Variants in IL10RB observed in about 807,000 individuals in gnomAD.
IL10RB encodes the protein interleukin 10 receptor subunit beta, also known as interleukin-10 receptor subunit beta.
Under a neutral mutation model 38.7 loss-of-function variants are expected in IL10RB, and 30 were observed. The ratio of observed to expected loss-of-function variants is 0.78; its 90% CI spans 0.58 to 1.05. The LOEUF (loss-of-function observed/expected upper bound fraction) is 1.05, where lower values mean the gene tolerates loss of function less well. Among genes scored for constraint, IL10RB ranks in the 50% least tolerant of loss-of-function variants. IL10RB has a pLI of 0.00. For synonymous variants in IL10RB, 142 were observed against 145.9 expected (o/e 0.97, Z 0.19); for missense variants, 328 against 397.1 (o/e 0.83, Z 1.48).
At position 33,268,396 on chromosome 21, in the gene IL10RB, T is replaced by A. The variant is rs1306808709; in HGVS notation, c.52T>A (p.Leu18Met). Residue 18 changes from leucine to methionine, a missense_variant and splice_region_variant, in exon 2 of 7, where the codon TTG (leucine) becomes ATG (methionine). By Grantham distance (15) the Leu-to-Met change is conservative. Transcript: ENST00000290200. ...ATGTTTTTGTCTTATTTTCATAGCATTGGGAATGGTACCACCTCCCGAAAA... is the reference window on the plus strand; with the variant it reads ...ATGTTTTTGTCTTATTTTCATAGCAATGGGAATGGTACCACCTCCCGAAAA... ...WLGGCLLVSA[L>M]GMVPPPENVR... 1 of 1,613,968 alleles carries A rather than the reference T, an allele frequency of 6.2e-7. No homozygotes were observed. The highest frequency in any genetic ancestry group is 1.7e-5 in the Admixed American group (1 of 60,018).
chr21:33,308,855 T>C (rs1001354007), intron 1 of IL10RB: 1 of 152,214 alleles, frequency 6.6e-6, no homozygotes, highest in Non-Finnish European at 1.5e-5. Context: ...TTATAACAGG[T>C]CCTTGGGTGA....
chr21:33,282,932 C>T (rs1262365415), intron 4 of IL10RB, among the ~76,000 whole-genome samples, 162 bp from the exon 5 acceptor site: 1 of 151,974 alleles, frequency 6.6e-6, no homozygotes, highest in Non-Finnish European at 1.5e-5. Flanking sequence ...CTTGATGCAC[C>T]CCCTGAGTGG....
chr21:33,305,194 A>G (rs778212417), intron 1 of IL10RB, among the ~76,000 whole-genome samples: 7 of 152,076 alleles, frequency 4.6e-5, no homozygotes, highest in Non-Finnish European at 1.0e-4. Context: ...TGCAGCTTCC[A>G]TCTCCCCAGG....
chr21:33,292,029 G>A (rs960467119), intron 6 of IL10RB, among the ~76,000 whole-genome samples: 1 of 152,186 alleles, frequency 6.6e-6, no homozygotes, highest in African/African-American at 2.4e-5. Flanking sequence ...CTCCCTGGCT[G>A]TCTGCTGTCT....
chr21:33,292,046 C>T (rs533517793), intron 6 of IL10RB, among the ~76,000 whole-genome samples: 2 of 152,302 alleles, frequency 1.3e-5, no homozygotes, highest in South Asian at 4.1e-4. Flanking sequence ...GTCTATGATA[C>T]ATGCTCTCAG....
chr21:33,308,581 A>T (rs2083004425), intron 1 of IL10RB: 1 of 152,254 alleles, frequency 6.6e-6, no homozygotes, highest in Non-Finnish European at 1.5e-5. Context: ...AGTCCCGTAG[A>T]TACAATATAA....
At chr21:33,291,460 T>G (rs1989485321) in intron 6 of IL10RB, among the ~76,000 whole-genome samples, 1 of 152,098 alleles carries the variant, frequency 6.6e-6, no homozygotes, top group African/African-American at 2.4e-5. Flanking sequence ...GAGACAGGGT[T>G]TCCCCATGTT....
In IL10RB at chr21:33,296,457, C is replaced by A. The variant is rs11701888; in HGVS notation, c.*100C>A. ...GGCAGCAAACAAGGGCCAAGACCAT[C>A]TGAGCCAGCCCCACATCTAGAACTC... On this transcript the variant is annotated 3_prime_UTR_variant, in exon 7 of 7. Transcript: ENST00000290200. The A allele has an allele frequency of 8.8e-7, 1 of 1,131,544 alleles. No homozygotes were observed. 70.1% of individuals were successfully genotyped at this position (1,131,544 alleles called of 1,614,324 possible).
chr21:33,283,926 AT>A (rs1178068614), intron 5 of IL10RB, among the ~76,000 whole-genome samples: 1 of 152,224 alleles, frequency 6.6e-6, no homozygotes, highest in African/African-American at 2.4e-5. Context: ...TAATTTAAAG[AT>A]GTTGGTGAAG....
At chr21:33,299,336 T>G (rs1279923309), downstream of IL10RB, among the ~76,000 whole-genome samples, 1 of 152,094 alleles carries the variant, frequency 6.6e-6, no homozygotes, top group East Asian at 1.9e-4. Context: ...TGTGGGAAAA[T>G]GTCCAAGAAT....
Position 33,279,767 on chromosome 21 carries a change from C to A in IL10RB, c.347C>A (p.Pro116His). 1.2e-6 allele frequency: 2 copies of A among 1,613,916 alleles called. No individual in the cohort carries two copies. The highest frequency in any genetic ancestry group is 1.7e-6 in the Non-Finnish European group (2 of 1,179,812). ...CPVDDTIIGP[P>H]GMQVEVLADS... Reference sequence around the variant, plus strand: ...TTCTGCTTAGCCATTATTGGACCCCCTGGAATGCAAGTAGAAGTACTTGCT... The same window carrying A: ...TTCTGCTTAGCCATTATTGGACCCCATGGAATGCAAGTAGAAGTACTTGCT... The change falls in exon 4 of 7, where the codon CCT becomes CAT. Residue 116 changes from proline to histidine, a missense_variant. Pro to His is a moderately conservative substitution (Grantham distance 77, BLOSUM62 -2). Transcript: ENST00000290200.
chr21:33,270,533 A>T (rs1248909875), intron 2 of IL10RB, among the ~76,000 whole-genome samples: 2 of 151,460 alleles, frequency 1.3e-5, no homozygotes, highest in Non-Finnish European at 1.5e-5. Flanking sequence ...GGCGCCCGCC[A>T]CCACGCCCGG....
At chr21:33,289,252 C>T (rs1483971029) in intron 6 of IL10RB, among the ~76,000 whole-genome samples, 2 of 152,212 alleles carry the variant, frequency 1.3e-5, no homozygotes, top group African/African-American at 2.4e-5. Context: ...CTGAAGGCAC[C>T]ACAGCCTCCA....
intron 1 of IL10RB, among the ~76,000 whole-genome samples, chr21:33,305,285 CT>C (rs1403378337): frequency 1.3e-5 from 2 of 151,552 alleles, no homozygotes; most frequent in Non-Finnish European, 2.9e-5. Context: ...ATTTTTTTTT[CT>C]TTTTATAGAG....
chr21:33,292,627 C>G (rs746763788), intron 6 of IL10RB, among the ~76,000 whole-genome samples: 2 of 152,150 alleles, frequency 1.3e-5, no homozygotes, highest in Non-Finnish European at 2.9e-5. Flanking sequence ...GCCGGGACCC[C>G]ATAGCGTCCC....
chr21:33,279,237 C>T, intron 3 of IL10RB, among the ~76,000 whole-genome samples: 1 of 151,980 alleles, frequency 6.6e-6, no homozygotes, highest in East Asian at 1.9e-4. Flanking sequence ...GAGCCAGCCA[C>T]ATGAATATCT....
chr21:33,298,372 C>T (rs973540709), downstream of IL10RB, among the ~76,000 whole-genome samples: 15 of 151,964 alleles, frequency 9.9e-5, no homozygotes, highest in Admixed American at 8.5e-4. Flanking sequence ...CCAGCACTTT[C>T]GGAGGCTGAG....
downstream of IL10RB, among the ~76,000 whole-genome samples, chr21:33,297,430 T>TA (rs547883241): frequency 0.026 from 3,643 of 142,064 alleles, 76 homozygotes; most frequent in Non-Finnish European, 0.031. Context: ...GATCCGTTAT[T>TA]AAAAAAAAAA....
intron 2 of IL10RB, among the ~76,000 whole-genome samples, chr21:33,268,962 A>G (rs2123561984): frequency 6.6e-6 from 1 of 152,322 alleles, no homozygotes; most frequent in Admixed American, 6.5e-5. Flanking sequence ...CAAAGCGGTC[A>G]GGAAGCCCCT....
Sources: gnomAD v4.1 joint callset for allele counts (sites outside exome capture counted in the v4.1 genomes callset) on GRCh38, gnomAD v4.1.1 for gene constraint, MANE v1.5 for transcripts, NCBI Gene and HGNC (gene_info 2026-07-23, HGNC 2026-07-21) for gene names.